IFT140: variants seen among roughly 807,000 people sequenced by gnomAD.
IFT140 encodes intraflagellar transport protein 140 homolog.
In IFT140, 133 loss-of-function variants were observed where a neutral mutation model predicts 164.6. That is an observed-to-expected ratio of 0.81 (90% CI 0.70 to 0.93). IFT140 has a LOEUF of 0.93. Among genes scored for constraint, IFT140 ranks in the 40% least tolerant of loss-of-function variants. IFT140 has a pLI of 0.00. For synonymous variants in IFT140, 860 were observed against 817.3 expected, an observed-to-expected ratio of 1.05 and a Z score of -0.89; for missense variants, 2,045 against 1,972.3, an observed-to-expected ratio of 1.04 and a Z score of -0.70.
chr16:1,581,498 G>A (rs1397577879), intron 12 of IFT140, among the ~76,000 whole-genome samples: 1 of 151,620 alleles, frequency 6.6e-6, no homozygotes, highest in African/African-American at 2.4e-5. Flanking sequence ...TACTTGGGAG[G>A]CTGAGGCATG....
chr16:1,551,242 G>A lies in IFT140; in HGVS notation c.2399+6693C>T, dbSNP rs1316084767. 6.6e-6 allele frequency among the ~76,000 whole-genome samples: 1 copy of A among 152,194 alleles called. No homozygotes were observed. The highest frequency in any genetic ancestry group is 1.5e-5 in the Non-Finnish European group (1 of 68,034). ...AGCCTGCCCTGTGGCGGGGGAGAGC[G>A]GCCAGAGCCACCCATGGGTAAAGAC... On this transcript the variant is annotated intron_variant, in intron 19 of 30. Transcript: ENST00000426508. The surrounding 1 kb of genome is among the most constrained non-coding windows in gnomAD (Gnocchi z 4.0).
Position 1,607,297 on chromosome 16 carries a change from CCTGCAGGG to C in IFT140, c.-31-8_-31-1del. 4 of 1,584,590 alleles carry C rather than the reference CCTGCAGGG, an allele frequency of 2.5e-6. No individual in the cohort carries two copies. The Admixed American group carries it at 5.7e-5, about 23-fold the overall frequency. On this transcript the variant is annotated splice_acceptor_variant and splice_polypyrimidine_tract_variant and intron_variant, in intron 2 of 30. Coordinates refer to ENST00000426508, the MANE Select transcript of IFT140 (RefSeq NM_014714.4). LOFTEE classifies it low-confidence loss of function (5UTR_SPLICE). The stretch of plus-strand genomic sequence containing the variant: ...AACTCAGGCCTCCTCAGCGCTGAAA[CCTGCAGGG>C]AAAAAAAAATGACCAAGTCCAATCA...
Position 1,584,428 on chromosome 16 carries a change from T to G in IFT140, c.1156-8A>C, listed in dbSNP as rs1468612818. On this transcript the variant is annotated splice_region_variant and splice_polypyrimidine_tract_variant and intron_variant, in intron 10 of 30. Coordinates refer to ENST00000426508, the MANE Select transcript of IFT140 (RefSeq NM_014714.4). Reference sequence around the variant, plus strand: ...GTTCTTCCTGGAACCCCACTTCATTTCCAGGTTGCAAGAGAAAGAACCAGA... The same window carrying G: ...GTTCTTCCTGGAACCCCACTTCATTGCCAGGTTGCAAGAGAAAGAACCAGA... 4 of 1,594,504 alleles carry G rather than the reference T, an allele frequency of 2.5e-6. No homozygotes were observed. The highest frequency in any genetic ancestry group is 3.4e-6 in the Non-Finnish European group (4 of 1,171,830).
chr16:1,561,711 C>T (rs144064777), intron 18 of IFT140, among the ~76,000 whole-genome samples: 1 of 152,196 alleles, frequency 6.6e-6, no homozygotes. Flanking sequence ...GAGTCCTGCC[C>T]GAGAGCTCCT....
chr16:1,524,497 G>T, intron 24 of IFT140, 55 bp downstream of exon 24: 1 of 1,588,638 alleles, frequency 6.3e-7, no homozygotes, highest in African/African-American at 1.3e-5. Flanking sequence ...TCCACTTGAA[G>T]CTCTCCTCAG....
intron 30 of IFT140, 64 bp from the exon 31 acceptor site, chr16:1,511,214 A>G (rs1435221923): frequency 2.1e-6 from 3 of 1,446,288 alleles, no homozygotes; most frequent in Non-Finnish European, 2.8e-6. Context: ...CTCTGCCTGC[A>G]GGCCAGGCAC....
At chr16:1,588,079 C>A in intron 7 of IFT140, 55 bp from the exon 8 acceptor site, 3 of 1,478,412 alleles carry the variant, frequency 2.0e-6, no homozygotes, top group Non-Finnish European at 1.9e-6. Flanking sequence ...CGGCCTGTCC[C>A]GGCTTCAGGA....
intron 4 of IFT140, among the ~76,000 whole-genome samples, chr16:1,595,234 G>C (rs1447834916): frequency 1.3e-5 from 2 of 151,952 alleles, no homozygotes; most frequent in Non-Finnish European, 2.9e-5. Flanking sequence ...GCAGTGAGCC[G>C]AGATGGCGCC....
chr16:1,568,208 T>C lies in IFT140; in HGVS notation c.1770+9A>G, dbSNP rs1469339742. The C allele has an allele frequency of 6.3e-7, 1 of 1,575,074 alleles. No individual in the cohort carries two copies. On this transcript the variant is annotated intron_variant, in intron 15 of 30. Coordinates refer to ENST00000426508, the MANE Select transcript of IFT140 (RefSeq NM_014714.4). ...GCGGAGTGGGCGAGTGGACGAGGGG[T>C]GGCCTCACCTTGCTGGGGAGGATGC... is the stretch of plus-strand genomic sequence containing the variant.
chr16:1,511,263 G>C, intron 30 of IFT140, 113 bp from the exon 31 acceptor site: 1 of 942,836 alleles, frequency 1.1e-6, no homozygotes, highest in East Asian at 2.6e-5. Context: ...GTGCCTCCGC[G>C]CTGGAGGACA....
chr16:1,572,440 A>T (rs2034070157), intron 13 of IFT140, among the ~76,000 whole-genome samples: 1 of 152,114 alleles, frequency 6.6e-6, no homozygotes, highest in Admixed American at 6.6e-5. Context: ...AGGTCAGGAG[A>T]TCGAGACCAT....
At chr16:1,600,005 T>C (rs1360766761) in intron 4 of IFT140, among the ~76,000 whole-genome samples, 2 of 145,318 alleles carry the variant, frequency 1.4e-5, no homozygotes, top group African/African-American at 5.2e-5. Context: ...CTTTGTGGAA[T>C]AGAAAGGCGG....
chr16:1,513,807 G>A (rs889363328), intron 30 of IFT140, among the ~76,000 whole-genome samples: 5 of 149,600 alleles, frequency 3.3e-5, no homozygotes, highest in African/African-American at 7.5e-5. Flanking sequence ...CCAAGTAGCT[G>A]GGACTACAGG....
In IFT140 at chr16:1,553,752, G is replaced by A. The variant is rs2032868478; in HGVS notation, c.2399+4183C>T. The A allele has an allele frequency of 8.6e-7, 1 of 1,157,600 alleles. No individual in the cohort carries two copies. The highest frequency in any genetic ancestry group is 1.1e-6 in the Non-Finnish European group (1 of 924,594). 71.7% of individuals were successfully genotyped at this position (1,157,600 alleles called of 1,614,324 possible). ...ACATCCCCATGGCTGTAGGGGATGAGGAGGGGCAGGGCCATGTGGACAGCC... is the reference window on the plus strand; with the variant it reads ...ACATCCCCATGGCTGTAGGGGATGAAGAGGGGCAGGGCCATGTGGACAGCC... On this transcript the variant is annotated intron_variant, in intron 19 of 30. Coordinates refer to ENST00000426508, the MANE Select transcript of IFT140 (RefSeq NM_014714.4). The surrounding 1 kb of genome is among the most constrained non-coding windows in gnomAD (Gnocchi z 4.4).
chr16:1,525,494 T>TG (rs2040661683), intron 21 of IFT140, among the ~76,000 whole-genome samples, 168 bp from the exon 22 acceptor site: 2 of 152,104 alleles, frequency 1.3e-5, no homozygotes, highest in South Asian at 4.2e-4. Context: ...CAGGGGGCAG[T>TG]GGGGGCTTCC....
At chr16:1,580,045 G>T (rs2034476762) in intron 13 of IFT140, 1 of 151,922 alleles carries the variant, frequency 6.6e-6, no homozygotes, top group Non-Finnish European at 1.5e-5. Flanking sequence ...CCTGGCTAAG[G>T]ACATTATGTC....
intron 19 of IFT140, among the ~76,000 whole-genome samples, chr16:1,545,528 A>T (rs2141331587): frequency 6.6e-6 from 1 of 151,694 alleles, no homozygotes; most frequent in South Asian, 2.1e-4. Context: ...TTTTTCCTGT[A>T]CTCGCGTCTG....
chr16:1,541,212 A>C, intron 19 of IFT140: 1 of 985,416 alleles, frequency 1.0e-6, no homozygotes, highest in Non-Finnish European at 1.2e-6. Context: ...TGAGTGGGGA[A>C]GCAGGCCCTG....
At chr16:1,604,274 C>CGTGCGTGTGTGTGTGT (rs1555496511) in intron 3 of IFT140, 1 of 129,812 alleles carries the variant, frequency 7.7e-6, no homozygotes, top group Non-Finnish European at 1.6e-5. Context: ...GCTGCAAGGG[C>CGTGCGTGTGTGTGTGT]GTGTGTGTGT....
Sources: allele counts gnomAD v4.1 joint callset (sites outside exome capture counted in the v4.1 genomes callset), GRCh38; gene constraint gnomAD v4.1.1; non-coding constraint Gnocchi (gnomAD v3.1); transcripts MANE v1.5; gene names NCBI Gene and HGNC (gene_info 2026-07-23, HGNC 2026-07-21).